Variants in ERC1 observed in about 807,000 individuals in gnomAD.
ERC1 encodes the protein ELKS/RAB6-interacting/CAST family member 1, also known as RAB6 interacting protein 2.
In ERC1, 56 loss-of-function variants were observed where a neutral mutation model predicts 132.0. The ratio of observed to expected loss-of-function variants is 0.42; its 90% CI spans 0.34 to 0.53. The LOEUF (loss-of-function observed/expected upper bound fraction) is 0.53. Ranked by LOEUF, ERC1 falls within the 20% of genes least tolerant of loss-of-function variation. The probability of loss-of-function intolerance (pLI) is 0.03; values close to 1 mark genes in which losing one functional copy is unlikely to be tolerated. For missense variants in ERC1, 1,202 were observed against 1,349.9 expected, an observed-to-expected ratio of 0.89 and a Z score of 1.72; for synonymous variants, 478 against 476.1, an observed-to-expected ratio of 1.00 and a Z score of -0.05.
chr12:1,316,680 C>G (rs897689979), intron 15 of ERC1, among the ~76,000 whole-genome samples: 2 of 152,168 alleles, frequency 1.3e-5, no homozygotes, highest in African/African-American at 4.8e-5. Context: ...TGTGGCGATT[C>G]CTCAAGGATC....
At chr12:1,041,610 C>G (rs1297762908) in intron 2 of ERC1, among the ~76,000 whole-genome samples, 1 of 152,222 alleles carries the variant, frequency 6.6e-6, no homozygotes, top group Non-Finnish European at 1.5e-5. Context: ...CTCACTAGGT[C>G]ACTCTTTAGC....
intron 14 of ERC1, among the ~76,000 whole-genome samples, chr12:1,264,185 A>T (rs2077326448): frequency 6.6e-6 from 1 of 152,218 alleles, no homozygotes; most frequent in Non-Finnish European, 1.5e-5. Flanking sequence ...CTTGCTGAAG[A>T]GTTCTGCTGT....
intron 2 of ERC1, among the ~76,000 whole-genome samples, chr12:1,059,842 G>A (rs1232794390): frequency 1.3e-5 from 2 of 152,166 alleles, no homozygotes; most frequent in Non-Finnish European, 2.9e-5. Context: ...GGTAATGCTG[G>A]CTGGCCCTAT....
At chr12:1,203,083 A>G (rs186321746) in intron 12 of ERC1, among the ~76,000 whole-genome samples, 3 of 152,248 alleles carry the variant, frequency 2.0e-5, no homozygotes, top group East Asian at 1.9e-4. Flanking sequence ...TTTGAGACGG[A>G]GTCTTGCTCT....
intron 2 of ERC1, among the ~76,000 whole-genome samples, chr12:1,033,327 T>C (rs1489870816): frequency 1.3e-5 from 2 of 152,040 alleles, no homozygotes; most frequent in African/African-American, 2.4e-5. Flanking sequence ...TGAGCCACCG[T>C]GCCTGGCCAA....
intron 7 of ERC1, among the ~76,000 whole-genome samples, chr12:1,133,637 C>T (rs1457799959): frequency 6.6e-6 from 1 of 152,158 alleles, no homozygotes; most frequent in Admixed American, 6.5e-5. Flanking sequence ...CCCTTTTGGA[C>T]CTTTTTTTGT....
intron 15 of ERC1, 79 bp downstream of exon 15, chr12:1,290,091 G>C: frequency 2.4e-6 from 3 of 1,258,168 alleles, no homozygotes; most frequent in Non-Finnish European, 3.4e-6. Flanking sequence ...TTCTGGCTCT[G>C]TGTTTTACCC....
rs796751032 is a variant in ERC1 at position 1,285,061 on chromosome 12, A to AT, written c.2620-4782dup. ...GATCTTTTGCTCATATTTTAATCGA[A>AT]TTTTTTTTTGTTTGCTTTGGAAGTA... On this transcript the variant is annotated intron_variant, in intron 14 of 18. Coordinates refer to ENST00000360905, the MANE Select transcript of ERC1 (RefSeq NM_178040.4). 1.1e-3 allele frequency among the ~76,000 whole-genome samples: 169 copies of AT among 151,746 alleles called. 1 individual carries two copies. The highest frequency in any genetic ancestry group is 3.8e-3 in the African/African-American group (159 of 41,390).
chr12:1,450,133 G>C (rs1390706777), intron 18 of ERC1, among the ~76,000 whole-genome samples: 1 of 152,022 alleles, frequency 6.6e-6, no homozygotes, highest in Non-Finnish European at 1.5e-5. Context: ...TACTGTTTTT[G>C]CTTTAAATCA....
intron 13 of ERC1, among the ~76,000 whole-genome samples, chr12:1,243,035 A>G (rs1332827493): frequency 6.6e-6 from 1 of 151,500 alleles, no homozygotes; most frequent in Non-Finnish European, 1.5e-5. Flanking sequence ...AAAATACAAA[A>G]AATTAGCCAG....
chr12:1,432,181 A>G (rs2092816466), intron 17 of ERC1, among the ~76,000 whole-genome samples: 6 of 152,204 alleles, frequency 3.9e-5, no homozygotes, highest in Admixed American at 3.9e-4. Flanking sequence ...CAAACTGTGT[A>G]CTTCCTGCCA....
intron 2 of ERC1, among the ~76,000 whole-genome samples, chr12:1,055,441 A>G (rs1010208105): frequency 2.6e-5 from 4 of 152,144 alleles, no homozygotes; most frequent in East Asian, 3.8e-4. Context: ...CAGCCTCCCA[A>G]GGTGCTGGGA....
intron 12 of ERC1, among the ~76,000 whole-genome samples, chr12:1,220,400 C>T (rs1348775026): frequency 5.9e-5 from 9 of 152,072 alleles, no homozygotes; most frequent in Non-Finnish European, 1.3e-4. Flanking sequence ...AATAGATGTG[C>T]GAGGGCTGGC....
At chr12:1,381,419 T>C (rs183031380) in intron 16 of ERC1, among the ~76,000 whole-genome samples, 19 of 152,266 alleles carry the variant, frequency 1.2e-4, no homozygotes, top group Admixed American at 3.9e-4. Flanking sequence ...TGTGCAGTCA[T>C]AGCTCCTGGC....
intron 16 of ERC1, among the ~76,000 whole-genome samples, chr12:1,398,149 A>G (rs1183851456): frequency 7.9e-5 from 12 of 151,594 alleles, no homozygotes; most frequent in Admixed American, 7.9e-4. Context: ...GTGTCTGGCT[A>G]GTTTTTGTAT....
intron 7 of ERC1, among the ~76,000 whole-genome samples, chr12:1,127,011 A>AC (rs1406131585): frequency 4.9e-5 from 7 of 144,248 alleles, no homozygotes; most frequent in South Asian, 2.2e-4. Context: ...AAAAAAAAAA[A>AC]AACCTCAAAA....
chr12:1,444,726 G>C lies in ERC1; in HGVS notation c.3189G>C (p.Glu1063Asp). ...ATGACCAGGCGGCTTGGGAGAATGA[G>C]CTGCAGAAGATGACCCGGGGGCAGG... ...LDDDQAAWENELQKMTRGQLQ... is the reference protein window; with the variant it reads ...LDDDQAAWENDLQKMTRGQLQ... The change falls in exon 18 of 19, where the codon GAG (glutamate) becomes GAC (aspartate). Residue 1063 changes from glutamate (E) to aspartate (D), a missense_variant. By Grantham distance (45) the Glu-to-Asp change is conservative. Coordinates refer to ENST00000360905, the MANE Select transcript of ERC1 (RefSeq NM_178040.4). 1 of 1,613,922 alleles carries C rather than the reference G, an allele frequency of 6.2e-7. No individual in the cohort carries two copies. Among genetic ancestry groups the C allele is most frequent in the Non-Finnish European group, 8.5e-7 (1 of 1,179,960 alleles).
intron 18 of ERC1, among the ~76,000 whole-genome samples, chr12:1,485,410 G>A (rs1182887176): frequency 2.0e-5 from 3 of 151,594 alleles, no homozygotes; most frequent in Non-Finnish European, 4.4e-5. Flanking sequence ...TCACCACATT[G>A]GCCAGGCTGG....
At chr12:1,080,297 T>C (rs1239706035) in intron 2 of ERC1, among the ~76,000 whole-genome samples, 1 of 152,230 alleles carries the variant, frequency 6.6e-6, no homozygotes, top group African/African-American at 2.4e-5. Context: ...CCCACTCCTA[T>C]GTCCTGGCAA....
Sources: allele counts gnomAD v4.1 joint callset (sites outside exome capture counted in the v4.1 genomes callset), GRCh38; gene constraint gnomAD v4.1.1; transcripts MANE v1.5; gene names NCBI Gene and HGNC (gene_info 2026-07-23, HGNC 2026-07-21).